The following METAP1 variants were observed in gnomAD, a reference collection of about 807,000 sequenced individuals.
METAP1 encodes the protein methionyl aminopeptidase 1.
A neutral mutation model predicts 53.8 loss-of-function variants in METAP1; 28 were observed. That is an observed-to-expected ratio of 0.52 (90% CI 0.39 to 0.71). METAP1 has a LOEUF of 0.71. Among genes scored for constraint, METAP1 ranks in the 30% least tolerant of loss-of-function variants. The probability of loss-of-function intolerance (pLI) is 0.00; values close to 1 mark genes in which losing one functional copy is unlikely to be tolerated. For missense variants in METAP1, 389 were observed against 479.8 expected (o/e 0.81, Z 1.77); for synonymous variants, 181 against 165.7 (o/e 1.09, Z -0.71).
intron 2 of METAP1, among the ~76,000 whole-genome samples, chr4:99,032,206 A>G (rs553486071): frequency 6.8e-6 from 1 of 146,158 alleles, no homozygotes; most frequent in African/African-American, 2.6e-5. Context: ...TTTGCTTTAC[A>G]TTCGTTTTTT....
chr4:99,012,365 G>A (rs1723521780), intron 1 of METAP1, among the ~76,000 whole-genome samples: 1 of 150,456 alleles, frequency 6.6e-6, no homozygotes, highest in South Asian at 2.1e-4. Flanking sequence ...TTGCCTCCTG[G>A]ATTCAAGTGA....
At chr4:99,026,121 C>A in intron 1 of METAP1, 1 of 533,914 alleles carries the variant, frequency 1.9e-6, no homozygotes, top group Non-Finnish European at 2.4e-6. Context: ...CTCCCTGAGG[C>A]TGTCACTGGT....
intron 4 of METAP1, among the ~76,000 whole-genome samples, chr4:99,036,444 A>G (rs1014262963): frequency 1.3e-5 from 2 of 152,124 alleles, no homozygotes; most frequent in Non-Finnish European, 2.9e-5. Context: ...GACAAGGTAA[A>G]TTCTAACAAA....
At chr4:99,046,410 AG>A (rs1334097118) in intron 8 of METAP1, among the ~76,000 whole-genome samples, 1 of 152,160 alleles carries the variant, frequency 6.6e-6, no homozygotes, top group Middle Eastern at 3.2e-3. Context: ...AAAGAAGAAA[AG>A]AAAAAAAAGA....
At chr4:99,056,462 A>G (rs1377419722) in intron 9 of METAP1, among the ~76,000 whole-genome samples, 2 of 152,220 alleles carry the variant, frequency 1.3e-5, no homozygotes, top group South Asian at 2.1e-4. Flanking sequence ...AAAGAAGCTA[A>G]AAAGTACTTG....
At chr4:99,039,335 G>A (rs770856802) in intron 4 of METAP1, 39 bp from the exon 5 acceptor site, 4 of 1,163,842 alleles carry the variant, frequency 3.4e-6, no homozygotes, top group Non-Finnish European at 3.9e-6. Flanking sequence ...CTACATCTTT[G>A]CATTCATTTT....
chr4:99,044,544 A>G (rs1287217378), intron 7 of METAP1, among the ~76,000 whole-genome samples: 1 of 152,190 alleles, frequency 6.6e-6, no homozygotes, highest in African/African-American at 2.4e-5. Context: ...GTGTTGTGCT[A>G]GAACCAAAAT....
chr4:99,011,739 G>A (rs554259022), intron 1 of METAP1, among the ~76,000 whole-genome samples: 1 of 152,128 alleles, frequency 6.6e-6, no homozygotes, highest in Non-Finnish European at 1.5e-5. Context: ...TTGGGAGTTC[G>A]AGACCACCCT....
At chr4:99,031,529 C>T in intron 2 of METAP1, 2 of 1,288,810 alleles carry the variant, frequency 1.6e-6, no homozygotes, top group Non-Finnish European at 2.0e-6. Flanking sequence ...TATGTAATGT[C>T]TTAAACTGGC....
At chr4:98,998,035 T>C (rs1722721537) in intron 1 of METAP1, among the ~76,000 whole-genome samples, 1 of 152,228 alleles carries the variant, frequency 6.6e-6, no homozygotes, top group Non-Finnish European at 1.5e-5. Context: ...GTATCCCTCA[T>C]TGCTTTCAGG....
intron 1 of METAP1, chr4:99,023,801 A>G (rs1425695241): frequency 2.0e-6 from 2 of 983,046 alleles, no homozygotes; most frequent in Non-Finnish European, 2.4e-6. Flanking sequence ...TAGTGTAACC[A>G]TACAATGGGT....
chr4:99,012,919 T>G (rs898215493), intron 1 of METAP1, among the ~76,000 whole-genome samples: 2 of 152,124 alleles, frequency 1.3e-5, no homozygotes, highest in African/African-American at 4.8e-5. Context: ...GGTTCAAAGA[T>G]TTTCTGATTA....
chr4:99,011,215 C>A (rs554618366), intron 1 of METAP1, among the ~76,000 whole-genome samples: 1 of 152,246 alleles, frequency 6.6e-6, no homozygotes, highest in South Asian at 2.1e-4. Flanking sequence ...GTGATGAGAG[C>A]TGGCATCTTT....
intron 2 of METAP1, among the ~76,000 whole-genome samples, chr4:99,031,944 CTGT>C (rs1725069347): frequency 6.6e-6 from 1 of 152,158 alleles, no homozygotes; most frequent in African/African-American, 2.4e-5. Flanking sequence ...TTATACTGCC[CTGT>C]TGTTGTACAG....
rs1272593646 is a variant in METAP1, at chr4:99,062,140, CCTTT to C, written c.*827_*830del. On this transcript the variant is annotated 3_prime_UTR_variant, in exon 11 of 11. Coordinates refer to ENST00000296411, the MANE Select transcript of METAP1 (RefSeq NM_015143.3). ...GTCAGAAATGGAAAAGAAAAAGCCC[CCTTT>C]CTTCCCTTTTCTGTTTTACTTCAAG... The C allele has an allele frequency of 1.3e-5, 2 of 152,298 alleles. No individual in the cohort carries two copies. The highest frequency in any genetic ancestry group is 2.4e-5 in the African/African-American group (1 of 41,552). The allele number at this position is 152,298 out of a possible 1,614,324, so 9.4% of individuals were successfully genotyped here. A position where few individuals can be genotyped will look rare whatever the true frequency, so the allele number is the denominator to read the frequency against.
chr4:99,047,619 A>C (rs1726364101), intron 8 of METAP1, among the ~76,000 whole-genome samples: 1 of 152,206 alleles, frequency 6.6e-6, no homozygotes, highest in South Asian at 2.1e-4. Flanking sequence ...TCCTTGAGCT[A>C]TTTACCCTGA....
intron 2 of METAP1, among the ~76,000 whole-genome samples, chr4:99,029,800 T>C (rs78595131): frequency 0.012 from 1,873 of 152,228 alleles, 40 homozygotes; most frequent in African/African-American, 0.043. Flanking sequence ...CCAAAACAAA[T>C]CTAATTGAGG....
At chr4:99,046,303 A>G (rs1438062748) in intron 8 of METAP1, among the ~76,000 whole-genome samples, 1 of 151,792 alleles carries the variant, frequency 6.6e-6, no homozygotes. Flanking sequence ...AATCCCAGCT[A>G]CTCGGGAGGC....
chr4:99,010,037 T>C (rs1327293306), intron 1 of METAP1, among the ~76,000 whole-genome samples: 1 of 152,234 alleles, frequency 6.6e-6, no homozygotes. Flanking sequence ...CTTTAATCTC[T>C]TTTGAGTTAA....
Sources: allele counts gnomAD v4.1 joint callset (sites outside exome capture counted in the v4.1 genomes callset), GRCh38; gene constraint gnomAD v4.1.1; transcripts MANE v1.5; gene names NCBI Gene and HGNC (gene_info 2026-07-23, HGNC 2026-07-21).